Variants in CREBBP observed in about 807,000 individuals in gnomAD.
The protein encoded by CREBBP is CREB-binding protein.
CREBBP carries 19 observed loss-of-function variants against 265.0 expected under a neutral mutation model. That is an observed-to-expected ratio of 0.07 (90% CI 0.05 to 0.11). The LOEUF is 0.11. Ranked by LOEUF, CREBBP falls within the 10% of genes least tolerant of loss-of-function variation. CREBBP has a pLI of 1.00. For missense variants in CREBBP, 2,525 were observed against 3,219.0 expected (o/e 0.78, Z 5.22); for synonymous variants, 1,457 against 1,223.7 (o/e 1.19, Z -3.98).
At chr16:3,849,429 GTGTGTGTGTGTGTGTGT>G (rs1567360183) in intron 2 of CREBBP, among the ~76,000 whole-genome samples, 337 of 12,788 alleles carry the variant, frequency 0.026, 14 homozygotes, top group East Asian at 0.095. Context: ...GTGTGTGTGT[GTGTGTGTGTGTGTGTGT>G]GTGTGTGTGT....
At chr16:3,793,290 C>A in intron 4 of CREBBP, 96 bp downstream of exon 4, 8 of 1,554,424 alleles carry the variant, frequency 5.1e-6, no homozygotes, top group Non-Finnish European at 6.2e-6. Context: ...AGCACTCAGG[C>A]TGCCGGAGCC....
intron 3 of CREBBP, among the ~76,000 whole-genome samples, chr16:3,807,163 A>C (rs1293695122): frequency 6.6e-6 from 1 of 152,162 alleles, no homozygotes; most frequent in African/African-American, 2.4e-5. Context: ...CTTTCAACAC[A>C]TGTGACAAAT....
chr16:3,848,240 C>CATGA (rs2054710365), intron 2 of CREBBP, among the ~76,000 whole-genome samples: 3 of 151,648 alleles, frequency 2.0e-5, no homozygotes. Context: ...TACTGGCTGA[C>CATGA]ATGAAGTTAC....
At position 3,728,624 on chromosome 16, in the gene CREBBP, G is replaced by C. The variant is rs780854046; in HGVS notation, c.6423C>G (p.Asn2141Lys). 3.1e-5 allele frequency: 50 copies of C among 1,613,516 alleles called. No homozygotes were observed. The highest frequency in any genetic ancestry group is 4.2e-5 in the Non-Finnish European group (50 of 1,179,928). Reference sequence around the variant, plus strand: ...GCACGCCAGCCTGCATGGCATTCAGGTTCTGCAGGCTGGGCTGCTGGTGCA... The same window carrying C: ...GCACGCCAGCCTGCATGGCATTCAGCTTCTGCAGGCTGGGCTGCTGGTGCA... ...PGMHQQPSLQ[N>K]LNAMQAGVPR... The change falls in exon 31 of 31, where the codon AAC becomes AAG. Residue 2141 changes from asparagine to lysine, a missense_variant. Asn to Lys is a moderately conservative substitution (Grantham distance 94, BLOSUM62 0). This residue lies in a region of CREBBP where 473 missense variants were observed against 459.3 expected (regional missense o/e 1.03). Coordinates refer to ENST00000262367, the MANE Select transcript of CREBBP (RefSeq NM_004380.3). This position sits in a 1 kb window ranked among gnomAD's most constrained non-coding sequence, Gnocchi z 8.7.
At chr16:3,857,073 C>T (rs1046341605) in intron 1 of CREBBP, among the ~76,000 whole-genome samples, 5 of 152,166 alleles carry the variant, frequency 3.3e-5, no homozygotes, top group African/African-American at 4.8e-5. Flanking sequence ...AGGGTACCAA[C>T]GCCCCAGAGT....
intron 6 of CREBBP, among the ~76,000 whole-genome samples, chr16:3,782,314 T>G (rs1189112564): frequency 6.6e-6 from 1 of 152,124 alleles, no homozygotes; most frequent in African/African-American, 2.4e-5. Flanking sequence ...AACCAAGATG[T>G]GTGAGAAACT....
intron 2 of CREBBP, among the ~76,000 whole-genome samples, chr16:3,836,878 A>C (rs1297695042): frequency 6.6e-6 from 1 of 152,216 alleles, no homozygotes; most frequent in African/African-American, 2.4e-5. Context: ...GTAGCTGTTG[A>C]AACTGTCATA....
intron 16 of CREBBP, among the ~76,000 whole-genome samples, chr16:3,766,849 G>C (rs1193430317): frequency 6.6e-6 from 1 of 152,110 alleles, no homozygotes; most frequent in Non-Finnish European, 1.5e-5. Context: ...GTTTCCAGTA[G>C]AGTAAGCAAT....
chr16:3,879,783 G>C (rs368472504), intron 1 of CREBBP, 49 bp downstream of exon 1: 2 of 1,534,938 alleles, frequency 1.3e-6, no homozygotes, highest in Non-Finnish European at 1.8e-6. Flanking sequence ...CTTTCAGGTG[G>C]GGGTGACAGC....
At position 3,745,016 on chromosome 16, in the gene CREBBP, C is replaced by A. The variant is rs1249773858; in HGVS notation, c.3915-55G>T. The A allele has an allele frequency of 8.3e-5, 108 of 1,302,118 alleles. 1 individual carries two copies. Among genetic ancestry groups the A allele is most frequent in the Non-Finnish European group, 1.1e-5 (10 of 896,468 alleles). The allele number at this position is 1,302,118 out of a possible 1,614,324, so 80.7% of individuals were successfully genotyped here. A position where few individuals can be genotyped will look rare whatever the true frequency, so the allele number is the denominator to read the frequency against. On this transcript the variant is annotated intron_variant, in intron 22 of 30. Coordinates refer to ENST00000262367, the MANE Select transcript of CREBBP (RefSeq NM_004380.3). The stretch of plus-strand genomic sequence containing the variant: ...GTATATAATGATGTAAATTGTCAAA[C>A]CAACAAAATGCAGCATTCAGATAGT...
At chr16:3,751,949 A>T in intron 19 of CREBBP, 143 bp from the exon 20 acceptor site, 1 of 756,722 alleles carries the variant, frequency 1.3e-6, no homozygotes. Context: ...CAGTGAGGAC[A>T]ATGAAAGGAA....
At position 3,725,507 on chromosome 16, in the gene CREBBP, G is replaced by C. The variant is rs948424452; in HGVS notation, c.*2211C>G. The C allele has an allele frequency of 4.3e-6, 1 of 233,214 alleles. No homozygotes were observed. The highest frequency in any genetic ancestry group is 2.2e-5 in the African/African-American group (1 of 45,356). 14.4% of individuals were successfully genotyped at this position (233,214 alleles called of 1,614,324 possible). A position where few individuals can be genotyped will look rare whatever the true frequency, so the allele number is the denominator to read the frequency against. ...AGGTTTCCCTACGGGTGGAAAAGAT[G>C]AAGAGGACACTGGAGGTTAAGAACC... On this transcript the variant is annotated 3_prime_UTR_variant, in exon 31 of 31. Coordinates refer to ENST00000262367, the MANE Select transcript of CREBBP (RefSeq NM_004380.3).
intron 2 of CREBBP, among the ~76,000 whole-genome samples, chr16:3,819,218 G>C (rs1190340051): frequency 6.6e-6 from 1 of 152,260 alleles, no homozygotes; most frequent in African/African-American, 2.4e-5. Context: ...GTGGGCTCTG[G>C]GGATATCTGA....
chr16:3,771,100 C>G, intron 13 of CREBBP, 114 bp from the exon 14 acceptor site: 1 of 1,117,248 alleles, frequency 9.0e-7, no homozygotes. Context: ...GACAGTTTCA[C>G]TCTTGTCGCC....
intron 1 of CREBBP, among the ~76,000 whole-genome samples, chr16:3,859,666 C>T (rs1597070222): frequency 6.6e-6 from 1 of 152,158 alleles, no homozygotes; most frequent in Non-Finnish European, 1.5e-5. Context: ...AAGTTGATCA[C>T]CAACGGCCAA....
chr16:3,749,513 T>A (rs141877189), intron 21 of CREBBP, 114 bp downstream of exon 21: 1 of 710,594 alleles, frequency 1.4e-6, no homozygotes, highest in East Asian at 2.7e-5. Context: ...CACCAGAAAT[T>A]CCACTTACGG....
At chr16:3,738,785 A>G (rs2052133303) in intron 25 of CREBBP, 113 bp from the exon 26 acceptor site, 1 of 755,890 alleles carries the variant, frequency 1.3e-6, no homozygotes, top group African/African-American at 1.7e-5. Flanking sequence ...TTGCTCTGTC[A>G]TTCAGGCTGC....
chr16:3,749,836 G>A (rs1294187883), intron 20 of CREBBP, among the ~76,000 whole-genome samples, 153 bp from the exon 21 acceptor site: 2 of 152,178 alleles, frequency 1.3e-5, no homozygotes, highest in Non-Finnish European at 2.9e-5. Context: ...ATAACGGAAT[G>A]AACAGAAAAT....
intron 2 of CREBBP, among the ~76,000 whole-genome samples, chr16:3,812,677 C>T (rs565941052): frequency 1.8e-4 from 28 of 152,230 alleles, no homozygotes; most frequent in Admixed American, 1.6e-3. Flanking sequence ...CAGGTCAATT[C>T]AGGAATTGCC....
Sources: gnomAD v4.1 joint callset for allele counts (sites outside exome capture counted in the v4.1 genomes callset) on GRCh38, gnomAD v4.1.1 for gene constraint, gnomAD v4.1.1 regional missense constraint, Gnocchi (gnomAD v3.1) non-coding constraint, MANE v1.5 for transcripts, NCBI Gene and HGNC (gene_info 2026-07-23, HGNC 2026-07-21) for gene names.